AXIN1: variants seen among roughly 807,000 people sequenced by gnomAD.
The protein encoded by AXIN1 is axin-1.
In AXIN1, 30 loss-of-function variants were observed where a neutral mutation model predicts 76.4. That is an observed-to-expected ratio of 0.39 (90% CI 0.29 to 0.53). AXIN1 has a LOEUF of 0.53. AXIN1 is among the 20% of genes least tolerant of loss of function. The pLI is 0.66. For synonymous variants in AXIN1, 545 were observed against 501.4 expected (o/e 1.09, Z -1.16); for missense variants, 1,140 against 1,198.8 (o/e 0.95, Z 0.72).
Position 293,085 on chromosome 16 carries a change from G to A in AXIN1, c.2186+403C>T, listed in dbSNP as rs1010866959. 11 of 259,148 alleles carry A rather than the reference G, an allele frequency of 4.2e-5. No homozygotes were observed. In the South Asian group the frequency reaches 5.9e-4, roughly 14 times the overall value. 16.1% of individuals were successfully genotyped at this position (259,148 alleles called of 1,614,324 possible). On this transcript the variant is annotated intron_variant, in intron 8 of 10. Transcript: ENST00000262320. The surrounding 1 kb of genome is among the most constrained non-coding windows in gnomAD (Gnocchi z 4.6). Reference sequence around the variant, plus strand: ...CAGAGCCACTCAGGGCTCCTGGGACGCAACTGTCAAGAGGCAGCCGCCATG... The same window carrying A: ...CAGAGCCACTCAGGGCTCCTGGGACACAACTGTCAAGAGGCAGCCGCCATG...
At position 333,488 on chromosome 16, in the gene AXIN1, G is replaced by A. The variant is rs191668155; in HGVS notation, c.878+12660C>T. ...TACCATTTAAACTCCAGAATTAAAG[G>A]ACAAGTTTCTTCAGCACGATGAAAG... On this transcript the variant is annotated intron_variant, in intron 2 of 10. Transcript: ENST00000262320. Among the ~76,000 whole-genome samples the A allele has an allele frequency of 2.2e-4, 33 of 150,538 alleles. 1 individual carries two copies. The highest frequency in any genetic ancestry group is 7.3e-4 in the African/African-American group (30 of 41,094).
chr16:351,369 G>A (rs2054139194), intron 1 of AXIN1, among the ~76,000 whole-genome samples: 1 of 152,164 alleles, frequency 6.6e-6, no homozygotes, highest in African/African-American at 2.4e-5. Flanking sequence ...CAACACTTTG[G>A]TAGGCCAAAG....
At chr16:313,462 G>A (rs1175590587) in intron 3 of AXIN1, among the ~76,000 whole-genome samples, 2 of 152,252 alleles carry the variant, frequency 1.3e-5, no homozygotes, top group Non-Finnish European at 2.9e-5. Context: ...AGCTAAGCGG[G>A]AAAGACATCT....
chr16:318,472 A>G (rs1383266495), intron 2 of AXIN1, among the ~76,000 whole-genome samples: 1 of 152,186 alleles, frequency 6.6e-6, no homozygotes, highest in East Asian at 1.9e-4. Flanking sequence ...CCTGGCTCTC[A>G]GGATCTGCCC....
chr16:344,487 G>GT (rs1210733106), intron 2 of AXIN1, among the ~76,000 whole-genome samples: 5 of 132,392 alleles, frequency 3.8e-5, no homozygotes, highest in Admixed American at 3.0e-4. Context: ...TTTTTTTTTT[G>GT]TTTTTTTTCT....
At chr16:298,470 T>C (rs1017724222) in intron 5 of AXIN1, among the ~76,000 whole-genome samples, 2 of 152,220 alleles carry the variant, frequency 1.3e-5, no homozygotes, top group Non-Finnish European at 2.9e-5. Context: ...ATGCAGCGTA[T>C]GTATCGGCTG....
intron 2 of AXIN1, among the ~76,000 whole-genome samples, chr16:345,817 G>A (rs188952295): frequency 6.7e-4 from 102 of 152,248 alleles, no homozygotes; most frequent in African/African-American, 2.2e-3. Flanking sequence ...CTACTGGGTA[G>A]ATCCAGCTCC....
intron 4 of AXIN1, among the ~76,000 whole-genome samples, chr16:306,919 CAGGG>C (rs2053042122): frequency 6.6e-6 from 1 of 152,206 alleles, no homozygotes; most frequent in Non-Finnish European, 1.5e-5. Context: ...GTGTGGACGG[CAGGG>C]CGTCCACACA....
chr16:313,109 C>T (rs192503750), intron 3 of AXIN1, among the ~76,000 whole-genome samples: 2 of 151,746 alleles, frequency 1.3e-5, no homozygotes, highest in Admixed American at 6.6e-5. Context: ...CCTCGGAGTT[C>T]GAGACTGCAT....
chr16:299,233 A>G (rs971292901), intron 5 of AXIN1: 1 of 985,318 alleles, frequency 1.0e-6, no homozygotes, highest in African/African-American at 1.7e-5. Flanking sequence ...GATCACTTTA[A>G]TTCCAAGTTG....
chr16:321,889 G>C (rs891057953), intron 2 of AXIN1, among the ~76,000 whole-genome samples: 1 of 152,238 alleles, frequency 6.6e-6, no homozygotes, highest in African/African-American at 2.4e-5. Flanking sequence ...AATGCTTCAG[G>C]CTGGTTGTAA....
chr16:346,723 C>T lies in AXIN1; in HGVS notation c.303G>A (p.Leu101=), dbSNP rs747567560. ...SLLDDQDGIS[L]FRTFLKQEGC... ...CCTCCTGCTTCAGGAAAGTCCTGAA[C>T]AGGCTTATCCCATCTTGGTCATCCA... The change falls in exon 2 of 11, where the codon CTG becomes CTA. Residue 101 remains leucine, a synonymous_variant. Coordinates refer to ENST00000262320, the MANE Select transcript of AXIN1 (RefSeq NM_003502.4). The T allele has an allele frequency of 4.4e-6, 7 of 1,585,470 alleles. No homozygotes were observed. In the African/African-American group the frequency reaches 6.7e-5, roughly 15 times the overall value.
Position 352,669 on chromosome 16 carries a change from G to A in AXIN1, c.-382C>T. ...ACGATCGCCTCCCGAGCCAGAGCCC[G>A]AGCCAGAGCGCCGAAGCCCAGGCCC... On this transcript the variant is annotated 5_prime_UTR_variant, in exon 1 of 11. Coordinates refer to ENST00000262320, the MANE Select transcript of AXIN1 (RefSeq NM_003502.4). 6.4e-6 allele frequency: 1 copy of A among 156,416 alleles called. No homozygotes were observed. The highest frequency in any genetic ancestry group is 1.6e-4 in the East Asian group (1 of 6,074). The allele number at this position is 156,416 out of a possible 1,614,324, so 9.7% of individuals were successfully genotyped here.
At chr16:290,655 T>G (rs975136956) in intron 9 of AXIN1, 5 of 207,724 alleles carry the variant, frequency 2.4e-5, no homozygotes, top group African/African-American at 1.2e-4. Context: ...ACGGCCCATG[T>G]GGGATCACAT....
chr16:338,112 T>C (rs962316328), intron 2 of AXIN1, among the ~76,000 whole-genome samples: 21 of 152,352 alleles, frequency 1.4e-4, no homozygotes, highest in African/African-American at 5.0e-4. Flanking sequence ...ACAGCCACCA[T>C]AGCCCAGCCT....
rs977972045 is a variant in AXIN1 at position 293,867 on chromosome 16, C to T, written c.1956-149G>A. On this transcript the variant is annotated intron_variant, in intron 7 of 10. Transcript: ENST00000262320. The surrounding 1 kb of genome is among the most constrained non-coding windows in gnomAD (Gnocchi z 4.6). ...CTGGCCACCAAGCCACATGGACGTC[C>T]TCCACAGACCACACAATAAAAACAT... is the stretch of plus-strand genomic sequence containing the variant. 2.2e-5 allele frequency: 17 copies of T among 762,738 alleles called. No homozygotes were observed. The highest frequency in any genetic ancestry group is 2.2e-4 in the African/African-American group (13 of 58,500). 47.2% of individuals were successfully genotyped at this position (762,738 alleles called of 1,614,324 possible).
intron 2 of AXIN1, 104 bp from the exon 3 acceptor site, chr16:314,787 A>G (rs2053262773): frequency 6.6e-7 from 1 of 1,515,904 alleles, no homozygotes; most frequent in Non-Finnish European, 8.9e-7. Context: ...TTAATTAAAA[A>G]CACAAGCAAT....
intron 5 of AXIN1, among the ~76,000 whole-genome samples, chr16:300,398 C>T (rs1215453541): frequency 1.3e-5 from 2 of 151,872 alleles, no homozygotes; most frequent in Non-Finnish European, 2.9e-5. Context: ...GGGAATCTCA[C>T]TATGTTGTCC....
intron 1 of AXIN1, among the ~76,000 whole-genome samples, chr16:350,940 T>A (rs1295384967): frequency 6.6e-6 from 1 of 152,028 alleles, no homozygotes; most frequent in African/African-American, 2.4e-5. Context: ...AAGACCATCC[T>A]GACCCACATA....
Sources: gnomAD v4.1 joint callset for allele counts (sites outside exome capture counted in the v4.1 genomes callset) on GRCh38, gnomAD v4.1.1 for gene constraint, Gnocchi (gnomAD v3.1) non-coding constraint, MANE v1.5 for transcripts, NCBI Gene and HGNC (gene_info 2026-07-23, HGNC 2026-07-21) for gene names.